Variants in LEPR observed in about 807,000 individuals in gnomAD.
The protein encoded by LEPR is OB receptor.
In LEPR, 56 loss-of-function variants were observed where a neutral mutation model predicts 114.7. That is an observed-to-expected ratio of 0.49 (90% CI 0.39 to 0.61). The LOEUF (loss-of-function observed/expected upper bound fraction) is 0.61, where lower values mean the gene tolerates loss of function less well. Among genes scored for constraint, LEPR ranks in the 20% least tolerant of loss-of-function variants. The pLI, the probability that LEPR is intolerant of heterozygous loss-of-function variation, is 0.00. For synonymous variants in LEPR, 443 were observed against 461.4 expected (o/e 0.96, Z 0.51); for missense variants, 1,202 against 1,352.9 (o/e 0.89, Z 1.75).
At chr1:65,528,070 C>T (rs1462804715) in intron 2 of LEPR, among the ~76,000 whole-genome samples, 2 of 151,418 alleles carry the variant, frequency 1.3e-5, no homozygotes, top group Non-Finnish European at 2.9e-5. Flanking sequence ...AATCTCTTCA[C>T]ACTTAGATCA....
chr1:65,564,508 G>T (rs1246790083), intron 2 of LEPR, among the ~76,000 whole-genome samples: 1 of 93,718 alleles, frequency 1.1e-5, no homozygotes, highest in Non-Finnish European at 2.3e-5. Context: ...GAAATCACCC[G>T]TCTTCTGCGT....
intron 2 of LEPR, among the ~76,000 whole-genome samples, chr1:65,502,600 T>G (rs1648511084): frequency 1.3e-5 from 2 of 152,132 alleles, no homozygotes; most frequent in South Asian, 4.1e-4. Flanking sequence ...GTAAAATATA[T>G]GTCAGATCAG....
chr1:65,633,270 T>C lies in LEPR; in HGVS notation c.2674-2921T>C. On this transcript the variant is annotated intron_variant, in intron 19 of 19. Coordinates refer to ENST00000349533, the MANE Select transcript of LEPR (RefSeq NM_002303.6). The surrounding 1 kb of genome is among the most constrained non-coding windows in gnomAD (Gnocchi z 4.1). ...ACATTTTGAAGAAGGGGAGCAAATC[T>C]AAAAAAAATTCAGTTGAACTTCTGA... The C allele has an allele frequency of 6.5e-7, 1 of 1,546,826 alleles. No homozygotes were observed. The highest frequency in any genetic ancestry group is 8.7e-7 in the Non-Finnish European group (1 of 1,151,588).
chr1:65,467,764 C>G (rs1475035480), intron 2 of LEPR, among the ~76,000 whole-genome samples: 2 of 152,194 alleles, frequency 1.3e-5, no homozygotes, highest in African/African-American at 4.8e-5. Context: ...GATGCTCCTC[C>G]CCCAGTCAAG....
At chr1:65,434,246 T>C in intron 2 of LEPR, 21 of 978,090 alleles carry the variant, frequency 2.1e-5, no homozygotes, top group Non-Finnish European at 2.6e-5. Context: ...GAAATATTGC[T>C]ATATCTGAAT....
intron 5 of LEPR, among the ~76,000 whole-genome samples, chr1:65,584,259 G>A (rs541507924): frequency 5.3e-5 from 8 of 152,158 alleles, no homozygotes; most frequent in South Asian, 2.1e-4. Context: ...AGGAGCCATC[G>A]TTCCTTTTGT....
At chr1:65,534,723 A>G (rs1570630051) in intron 2 of LEPR, among the ~76,000 whole-genome samples, 1 of 152,168 alleles carries the variant, frequency 6.6e-6, no homozygotes. Flanking sequence ...TTGGACCAAT[A>G]CTGTCTATAA....
chr1:65,483,011 G>T (rs938699165), intron 2 of LEPR, among the ~76,000 whole-genome samples: 1 of 150,562 alleles, frequency 6.6e-6, no homozygotes, highest in South Asian at 2.1e-4. Flanking sequence ...AAAAGTAAAT[G>T]TGGAAGGTAA....
chr1:65,589,540 A>G (rs1655547224), intron 5 of LEPR, among the ~76,000 whole-genome samples: 1 of 151,512 alleles, frequency 6.6e-6, no homozygotes, highest in South Asian at 2.1e-4. Flanking sequence ...TAGAAGTTTC[A>G]TAGCTTTAGG....
At chr1:65,547,593 A>G (rs373694268) in intron 2 of LEPR, among the ~76,000 whole-genome samples, 11 of 151,438 alleles carry the variant, frequency 7.3e-5, no homozygotes, top group African/African-American at 1.5e-4. Context: ...GTTTATTTGC[A>G]TAGAGGTGTT....
chr1:65,525,992 C>A, intron 2 of LEPR: 1 of 751,300 alleles, frequency 1.3e-6, no homozygotes, highest in Non-Finnish European at 1.6e-6. Flanking sequence ...GCCCGGCGGG[C>A]GGCGGGGGTG....
intron 2 of LEPR, among the ~76,000 whole-genome samples, chr1:65,534,637 C>T (rs971998461): frequency 1.9e-4 from 29 of 151,810 alleles, no homozygotes; most frequent in Non-Finnish European, 2.9e-4. Flanking sequence ...TTAGGAGTGC[C>T]GAGAGAGGGA....
intron 2 of LEPR, chr1:65,525,583 G>C: frequency 9.3e-6 from 9 of 968,432 alleles, no homozygotes; most frequent in Non-Finnish European, 1.1e-5. Context: ...GCACGCGGGC[G>C]GCCACCCGAC....
At chr1:65,525,529 A>T in intron 2 of LEPR, 2 of 694,966 alleles carry the variant, frequency 2.9e-6, no homozygotes, top group Non-Finnish European at 1.8e-6. Context: ...TAGCCGCTCG[A>T]GTCCGCTCCT....
At chr1:65,465,830 G>A (rs945741085) in intron 2 of LEPR, among the ~76,000 whole-genome samples, 27 of 151,884 alleles carry the variant, frequency 1.8e-4, no homozygotes, top group African/African-American at 6.5e-4. Context: ...CTGTTTTATC[G>A]GAGACTAGGA....
Position 65,639,667 on chromosome 1 carries a change from T to A in LEPR, c.*2652T>A, listed in dbSNP as rs1157041156. The A allele has an allele frequency of 6.6e-6, 1 of 152,228 alleles. No individual in the cohort carries two copies. The highest frequency in any genetic ancestry group is 6.5e-5 in the Admixed American group (1 of 15,286). 9.4% of individuals were successfully genotyped at this position (152,228 alleles called of 1,614,324 possible). On this transcript the variant is annotated 3_prime_UTR_variant, in exon 20 of 20. Coordinates refer to ENST00000349533, the MANE Select transcript of LEPR (RefSeq NM_002303.6). ...ACTTATAAATCTGGAATTTTTAATA[T>A]TTCATTTTAAGGCCTTAAACCGAAA...
chr1:65,468,487 A>T (rs1375966049), intron 2 of LEPR, among the ~76,000 whole-genome samples: 1 of 152,244 alleles, frequency 6.6e-6, no homozygotes, highest in Non-Finnish European at 1.5e-5. Context: ...CCTTAAAAAA[A>T]ATTGATGGCA....
intron 19 of LEPR, among the ~76,000 whole-genome samples, chr1:65,624,894 T>A (rs541075614): frequency 2.0e-5 from 3 of 152,322 alleles, no homozygotes; most frequent in East Asian, 3.9e-4. Flanking sequence ...GCAGCAGTAG[T>A]GTTGTTTTAT....
At position 65,488,226 on chromosome 1, in the gene LEPR, C is replaced by CTCTCTCTCTCTT. The variant is rs1553157734; in HGVS notation, c.-21+62851_-21+62852insCTCTCTCTTTCT. 1.7e-3 allele frequency among the ~76,000 whole-genome samples: 114 copies of CTCTCTCTCTCTT among 67,910 alleles called. 5 individuals carry two copies. Among genetic ancestry groups the CTCTCTCTCTCTT allele is most frequent in the South Asian group, 4.6e-3 (8 of 1,752 alleles). The allele number at this position is 67,910 out of a possible 152,430, so 44.6% of individuals were successfully genotyped here. A position where few individuals can be genotyped will look rare whatever the true frequency, so the allele number is the denominator to read the frequency against. On this transcript the variant is annotated intron_variant, in intron 2 of 19. Transcript: ENST00000349533. ...TTTCTTTCTTTCTCTCTCTCTCTCTCTCTTTCTTTCTTTCTTTCTTTCTTT... is the reference window on the plus strand; with the variant it reads ...TTTCTTTCTTTCTCTCTCTCTCTCTCTCTCTCTCTCTTTCTTTCTTTCTTTCTTTCTTTCTTT...
Sources: allele counts gnomAD v4.1 joint callset (sites outside exome capture counted in the v4.1 genomes callset), GRCh38; gene constraint gnomAD v4.1.1; non-coding constraint Gnocchi (gnomAD v3.1); transcripts MANE v1.5; gene names NCBI Gene and HGNC (gene_info 2026-07-23, HGNC 2026-07-21).